The following TDRD1 variants were observed in gnomAD, a reference collection of about 807,000 sequenced individuals.
TDRD1 encodes tudor domain containing 1.
In TDRD1, 37 loss-of-function variants were observed where a neutral mutation model predicts 140.6. The ratio of observed to expected loss-of-function variants is 0.26; its 90% confidence interval spans 0.20 to 0.35. TDRD1 has a LOEUF of 0.35. TDRD1 is among the 10% of genes least tolerant of loss of function. The pLI is 1.00. For missense variants in TDRD1, 1,243 were observed against 1,393.0 expected, an observed-to-expected ratio of 0.89 and a Z score of 1.71; for synonymous variants, 506 against 475.7, an observed-to-expected ratio of 1.06 and a Z score of -0.83.
chr10:114,178,566 C>T (rs769597799), upstream of TDRD1, among the ~76,000 whole-genome samples: 5 of 152,130 alleles, frequency 3.3e-5, no homozygotes, highest in Admixed American at 6.6e-5. Flanking sequence ...GAGTTCTCTC[C>T]GCAGTCTTCA....
At chr10:114,187,781 A>ATTCC in intron 1 of TDRD1, 45 bp from the exon 2 acceptor site, 1 of 1,475,924 alleles carries the variant, frequency 6.8e-7, no homozygotes, top group Non-Finnish European at 9.1e-7. Context: ...TTCTTCTGAA[A>ATTCC]TTTTGAAATT....
intron 21 of TDRD1, among the ~76,000 whole-genome samples, chr10:114,224,114 G>T (rs1564695952): frequency 6.6e-6 from 1 of 152,130 alleles, no homozygotes; most frequent in Non-Finnish European, 1.5e-5. Context: ...GCTGAGAAAA[G>T]GTGCATGTAA....
intron 25 of TDRD1, chr10:114,228,565 A>C (rs1383453086): frequency 1.0e-6 from 1 of 990,522 alleles, no homozygotes; most frequent in African/African-American, 1.7e-5. Flanking sequence ...CGGAAAGTGG[A>C]TCTAAAGGGC....
At chr10:114,221,398 G>T in exon 20 of TDRD1, 1 of 1,612,968 alleles carries the variant, frequency 6.2e-7, no homozygotes, top group Non-Finnish European at 8.5e-7. Flanking sequence ...AGAATTGCCA[G>T]TGGATAAAAC....
At position 114,200,670 on chromosome 10, in the gene TDRD1, C is replaced by G. The variant is rs780246878; in HGVS notation, c.530-740C>G. The stretch of plus-strand genomic sequence containing the variant: ...TTCCAAGTAACTGGGACTACAGGTG[C>G]GCACCACCACACTGGGCTTATTTTT... On this transcript the variant is annotated intron_variant, in intron 4 of 25. Coordinates refer to ENST00000251864, the Ensembl canonical transcript of TDRD1. 2.6e-5 allele frequency among the ~76,000 whole-genome samples: 4 copies of G among 151,844 alleles called. No individual in the cohort carries two copies. In the South Asian group the frequency reaches 6.2e-4, roughly 24 times the overall value.
intron 21 of TDRD1, among the ~76,000 whole-genome samples, 175 bp from the exon 22 acceptor site, chr10:114,225,874 T>C (rs899097216): frequency 6.6e-6 from 1 of 151,122 alleles, no homozygotes; most frequent in Non-Finnish European, 1.5e-5. Flanking sequence ...AAAAAAAAAA[T>C]TCTATTACAT....
intron 4 of TDRD1, among the ~76,000 whole-genome samples, chr10:114,199,980 A>G (rs1389411607): frequency 1.3e-5 from 2 of 152,210 alleles, no homozygotes; most frequent in Admixed American, 1.3e-4. Context: ...TAGACACACA[A>G]TGGCTGAGTC....
chr10:114,182,833 C>T (rs1038844053), intron 1 of TDRD1, among the ~76,000 whole-genome samples: 27 of 151,918 alleles, frequency 1.8e-4, no homozygotes, highest in Non-Finnish European at 2.4e-4. Context: ...TACAGGCACC[C>T]GCCACCATGC....
chr10:114,208,806 G>A (rs894988956), intron 11 of TDRD1, among the ~76,000 whole-genome samples: 5 of 147,942 alleles, frequency 3.4e-5, no homozygotes, highest in Non-Finnish European at 7.4e-5. Flanking sequence ...ACAGAGTCTC[G>A]CTCTGTCACC....
intron 7 of TDRD1, 89 bp from the exon 8 acceptor site, chr10:114,203,299 C>A: frequency 1.3e-6 from 2 of 1,507,154 alleles, no homozygotes; most frequent in Non-Finnish European, 1.8e-6. Context: ...GCCTACAATG[C>A]TGTTTGTGTC....
At chr10:114,211,239 T>G (rs1172092853) in intron 13 of TDRD1, among the ~76,000 whole-genome samples, 1 of 152,062 alleles carries the variant, frequency 6.6e-6, no homozygotes, top group African/African-American at 2.4e-5. Flanking sequence ...GCCTTTTGGT[T>G]TTGGGGACTG....
chr10:114,207,410 A>T (rs770604468), intron 11 of TDRD1, among the ~76,000 whole-genome samples: 4 of 151,828 alleles, frequency 2.6e-5, no homozygotes, highest in Non-Finnish European at 4.4e-5. Flanking sequence ...CCCTACTACC[A>T]TTTTCTTAGC....
rs1284352964 is a variant in TDRD1 at position 114,213,911 on chromosome 10, C to G, written c.2075-66C>G. 3.9e-6 allele frequency: 6 copies of G among 1,530,292 alleles called. No individual in the cohort carries two copies. In the East Asian group the frequency reaches 1.1e-4, roughly 29 times the overall value. 94.8% of individuals were successfully genotyped at this position (1,530,292 alleles called of 1,614,324 possible). Reference sequence around the variant, plus strand: ...TTCAGTTCTTCAAAAGCGGGTTCCTCAGCCACCCCAACCTCGCTACATCCC... The same window carrying G: ...TTCAGTTCTTCAAAAGCGGGTTCCTGAGCCACCCCAACCTCGCTACATCCC... On this transcript the variant is annotated intron_variant, in intron 15 of 25. Transcript: ENST00000251864.
At chr10:114,196,292 T>C (rs911899750) in intron 3 of TDRD1, among the ~76,000 whole-genome samples, 3 of 152,230 alleles carry the variant, frequency 2.0e-5, no homozygotes, top group Non-Finnish European at 4.4e-5. Context: ...TTATCATTTC[T>C]TTTCTCCTTA....
rs1164080059 is a variant in TDRD1 at position 114,192,893 on chromosome 10, T to A, written c.384+1874T>A. On this transcript the variant is annotated intron_variant, in intron 3 of 25. Transcript: ENST00000251864. The stretch of plus-strand genomic sequence containing the variant: ...GGGAAAAGTGATTCCTTTTGCTTGA[T>A]TTTTCTTTTTAAAAAAATTTTTAAC... Among the ~76,000 whole-genome samples, 26 of 152,200 alleles carry A rather than the reference T, an allele frequency of 1.7e-4. 1 individual carries two copies. The highest frequency in any genetic ancestry group is 1.7e-3 in the Admixed American group (26 of 15,280).
chr10:114,208,641 T>C (rs1158470639), intron 11 of TDRD1, among the ~76,000 whole-genome samples: 1 of 152,192 alleles, frequency 6.6e-6, no homozygotes, highest in Non-Finnish European at 1.5e-5. Context: ...AGCTCCTGAT[T>C]GAACATCTTC....
rs773281284 is a variant in TDRD1 at position 114,203,115 on chromosome 10, C to T, written c.740C>T (p.Ala247Val). Residue 247 changes from alanine to valine, a missense_variant, in exon 7 of 26, where the codon GCT (alanine) becomes GTT (valine). Ala to Val is a moderately conservative substitution (Grantham distance 64, BLOSUM62 0). This residue lies in a region of TDRD1 where 392 missense variants were observed against 394.1 expected (regional missense o/e 0.99). Transcript: ENST00000251864. ...GTTACTAAGGAAATAGCCATTTGGG[C>T]TGAGAGAATAATGTTTTCTGATTTG... 1.2e-5 allele frequency: 19 copies of T among 1,613,754 alleles called. No individual in the cohort carries two copies. In the African/African-American group the frequency reaches 2.5e-4, roughly 22 times the overall value.
chr10:114,213,039 A>G (rs2035587431), intron 14 of TDRD1, among the ~76,000 whole-genome samples: 1 of 152,078 alleles, frequency 6.6e-6, no homozygotes, highest in African/African-American at 2.4e-5. Context: ...TTTGTTTTAC[A>G]TATTATAGAA....
chr10:114,203,200 A>G (rs939719347), intron 7 of TDRD1, 24 bp downstream of exon 7: 23 of 1,558,176 alleles, frequency 1.5e-5, no homozygotes, highest in East Asian at 2.2e-5. Context: ...TTCAATCTCC[A>G]TAGACACAGA....
Sources: gnomAD v4.1 joint callset for allele counts (sites outside exome capture counted in the v4.1 genomes callset) on GRCh38, gnomAD v4.1.1 for gene constraint, gnomAD v4.1.1 regional missense constraint, MANE v1.5 for transcripts, NCBI Gene and HGNC (gene_info 2026-07-23, HGNC 2026-07-21) for gene names.